The following DCC variants were observed in gnomAD, a reference collection of about 807,000 sequenced individuals.
The protein encoded by DCC is DCC netrin 1 receptor, also known as netrin receptor DCC.
DCC carries 58 observed loss-of-function variants against 172.5 expected under a neutral mutation model. The observed-to-expected ratio is 0.34, with a 90% CI of 0.27 to 0.42. The LOEUF (loss-of-function observed/expected upper bound fraction) is 0.42. Among genes scored for constraint, DCC ranks in the 10% least tolerant of loss-of-function variants. DCC has a pLI of 1.00. For missense variants in DCC, 1,740 were observed against 1,791.0 expected, an observed-to-expected ratio of 0.97 and a Z score of 0.51; for synonymous variants, 709 against 644.5, an observed-to-expected ratio of 1.10 and a Z score of -1.52.
chr18:52,541,315 C>A (rs987272649), intron 1 of DCC, among the ~76,000 whole-genome samples: 1 of 152,174 alleles, frequency 6.6e-6, no homozygotes, highest in African/African-American at 2.4e-5. Flanking sequence ...GAGCTCAGAG[C>A]TGTGAAGATA....
intron 5 of DCC, chr18:52,941,019 AC>A (rs2040453138): frequency 6.6e-6 from 1 of 152,162 alleles, no homozygotes; most frequent in African/African-American, 2.4e-5. Flanking sequence ...TTATAGTAAG[AC>A]CAGATGAGAA....
chr18:52,586,925 A>T (rs1479303448), intron 1 of DCC, among the ~76,000 whole-genome samples: 4 of 152,126 alleles, frequency 2.6e-5, no homozygotes, highest in Admixed American at 2.6e-4. Flanking sequence ...CCACTGCTAC[A>T]CTTCTTTAGC....
intron 9 of DCC, 107 bp from the exon 10 acceptor site, chr18:53,205,109 T>G: frequency 1.2e-6 from 1 of 838,438 alleles, no homozygotes; most frequent in South Asian, 1.4e-5. Context: ...AAATACATAC[T>G]CCTAGAATTT....
chr18:53,115,133 A>G (rs1351067033), intron 7 of DCC, among the ~76,000 whole-genome samples: 4 of 151,602 alleles, frequency 2.6e-5, no homozygotes, highest in Admixed American at 2.6e-4. Context: ...TTCAAGAGGA[A>G]AGGGAAAAAA....
chr18:53,385,790 T>G (rs571462663), intron 15 of DCC, among the ~76,000 whole-genome samples: 203 of 152,272 alleles, frequency 1.3e-3, no homozygotes, highest in African/African-American at 4.4e-3. Context: ...TCACATAGGT[T>G]TGCAGCAAGC....
intron 2 of DCC, among the ~76,000 whole-genome samples, chr18:52,896,956 A>T (rs1373927000): frequency 6.6e-6 from 1 of 152,194 alleles, no homozygotes; most frequent in Non-Finnish European, 1.5e-5. Flanking sequence ...ACAATGGGGC[A>T]AAGTATGAAC....
chr18:53,305,718 A>G lies in DCC; in HGVS notation c.2052A>G (p.Thr684=). 2 of 1,613,950 alleles carry G rather than the reference A, an allele frequency of 1.2e-6. No individual in the cohort carries two copies. The change falls in exon 13 of 29, where the codon ACA becomes ACG. Residue 684 remains threonine, a splice_region_variant and synonymous_variant. Transcript: ENST00000442544. ...CAAACAACCTCTGGTACCTATTCAC[A>G]GGTCAGTGTTCACATGGTGTAGTCT... The part of the protein sequence containing the change: ...LEPNNLWYLF[T]GLEKGSQYSF...
intron 5 of DCC, among the ~76,000 whole-genome samples, chr18:53,017,866 G>C (rs1389433155): frequency 6.6e-6 from 1 of 151,868 alleles, no homozygotes; most frequent in African/African-American, 2.4e-5. Flanking sequence ...TGTAGATTTC[G>C]CCTGAGTTTC....
At chr18:52,697,130 G>T (rs931308709) in intron 1 of DCC, among the ~76,000 whole-genome samples, 2 of 152,056 alleles carry the variant, frequency 1.3e-5, no homozygotes, top group African/African-American at 4.8e-5. Flanking sequence ...AGTATTTTTT[G>T]GTAAAGTTGG....
chr18:52,348,789 C>T (rs1983990829), intron 1 of DCC, among the ~76,000 whole-genome samples: 1 of 152,158 alleles, frequency 6.6e-6, no homozygotes, highest in Admixed American at 6.6e-5. Context: ...ATTTAAGCAC[C>T]TTCCCAAAAT....
intron 5 of DCC, among the ~76,000 whole-genome samples, chr18:52,938,150 C>T (rs976891739): frequency 2.6e-5 from 4 of 152,112 alleles, no homozygotes; most frequent in South Asian, 2.1e-4. Context: ...AAGTTTGATG[C>T]TTGGCTGAGG....
At chr18:52,719,492 C>A (rs936877634) in intron 1 of DCC, among the ~76,000 whole-genome samples, 1 of 151,914 alleles carries the variant, frequency 6.6e-6, no homozygotes, top group Non-Finnish European at 1.5e-5. Flanking sequence ...ATTACTGGGC[C>A]CTGAGCTATA....
chr18:53,113,032 G>T (rs2043356126), intron 7 of DCC, among the ~76,000 whole-genome samples: 1 of 151,452 alleles, frequency 6.6e-6, no homozygotes, highest in Non-Finnish European at 1.5e-5. Context: ...TGCAGGGCCA[G>T]TATTGTGAGA....
At chr18:52,583,513 A>G (rs1372627) in intron 1 of DCC, among the ~76,000 whole-genome samples, 2,593 of 152,300 alleles carry the variant, frequency 0.017, 28 homozygotes, top group South Asian at 0.026. Flanking sequence ...CTATTTATCT[A>G]TATCTATTTT....
At chr18:53,066,375 A>G (rs1317984884) in intron 7 of DCC, among the ~76,000 whole-genome samples, 12 of 62,254 alleles carry the variant, frequency 1.9e-4, no homozygotes, top group East Asian at 5.9e-4. Context: ...ATATATATAT[A>G]TATATATATA....
intron 12 of DCC, among the ~76,000 whole-genome samples, chr18:53,261,431 C>A (rs2056600343): frequency 6.6e-6 from 1 of 152,122 alleles, no homozygotes; most frequent in Admixed American, 6.5e-5. Flanking sequence ...GCTATTTGGC[C>A]AGGGCTCAGT....
chr18:52,664,017 A>G (rs2035413552), intron 1 of DCC, among the ~76,000 whole-genome samples: 1 of 152,258 alleles, frequency 6.6e-6, no homozygotes, highest in Admixed American at 6.5e-5. Flanking sequence ...AGAAGAATTC[A>G]TATGAGTTGA....
chr18:52,541,259 A>G (rs2032439071), intron 1 of DCC, among the ~76,000 whole-genome samples: 1 of 152,336 alleles, frequency 6.6e-6, no homozygotes, highest in South Asian at 2.1e-4. Context: ...TCCTTGTTCA[A>G]GGACCAGATG....
chr18:52,698,033 A>G (rs1473197679), intron 1 of DCC, among the ~76,000 whole-genome samples: 1 of 152,252 alleles, frequency 6.6e-6, no homozygotes, highest in African/African-American at 2.4e-5. Context: ...GAAGAAATCA[A>G]GGTGTAGGTA....
Sources: allele counts gnomAD v4.1 joint callset (sites outside exome capture counted in the v4.1 genomes callset), GRCh38; gene constraint gnomAD v4.1.1; transcripts MANE v1.5; gene names NCBI Gene and HGNC (gene_info 2026-07-23, HGNC 2026-07-21).